The following FAM20A variants were observed in gnomAD, a reference collection of about 807,000 sequenced individuals.
The protein encoded by FAM20A is FAM20A golgi associated secretory pathway pseudokinase, also known as pseudokinase FAM20A.
FAM20A carries 42 observed loss-of-function variants against 52.0 expected under a neutral mutation model. That is an observed-to-expected ratio of 0.81 (90% CI 0.63 to 1.04). FAM20A has a LOEUF of 1.04. FAM20A is among the 50% of genes least tolerant of loss of function. FAM20A has a pLI of 0.00. For synonymous variants in FAM20A, 304 were observed against 298.9 expected, an observed-to-expected ratio of 1.02 and a Z score of -0.18; for missense variants, 742 against 712.7, an observed-to-expected ratio of 1.04 and a Z score of -0.47.
At chr17:68,581,146 G>T (rs1217867126) in intron 1 of FAM20A, among the ~76,000 whole-genome samples, 1 of 152,176 alleles carries the variant, frequency 6.6e-6, no homozygotes, top group Non-Finnish European at 1.5e-5. Context: ...TACTTCCAGA[G>T]CAGGGTACTG....
rs1243707197 is a variant in FAM20A at position 68,572,001 on chromosome 17, TATA to T, written c.405-16261_405-16259del. The stretch of plus-strand genomic sequence containing the variant: ...GTATATACATACATATATATATATA[TATA>T]TATATATATATATATATATATATAT... On this transcript the variant is annotated intron_variant, in intron 1 of 10. Coordinates refer to ENST00000592554, the MANE Select transcript of FAM20A (RefSeq NM_017565.4). 7.5e-3 allele frequency among the ~76,000 whole-genome samples: 667 copies of T among 88,612 alleles called. 13 individuals carry two copies. Among genetic ancestry groups the T allele is most frequent in the Middle Eastern group, 0.029 (6 of 208 alleles). 58.1% of individuals were successfully genotyped at this position (88,612 alleles called of 152,430 possible).
chr17:68,590,076 T>C (rs888671520), intron 1 of FAM20A: 2 of 152,204 alleles, frequency 1.3e-5, no homozygotes, highest in African/African-American at 2.4e-5. Flanking sequence ...ATCATAATGG[T>C]GCATAACACA....
Position 68,600,479 on chromosome 17 carries a change from T to C in FAM20A, c.188A>G (p.Asp63Gly). 6.2e-7 allele frequency: 1 copy of C among 1,603,916 alleles called. No homozygotes were observed. Among genetic ancestry groups the C allele is most frequent in the South Asian group, 1.1e-5 (1 of 89,518 alleles). Reference sequence around the variant, plus strand: ...AAAGTTGTGCACGATCGTGCCGGGGTCCGAGGCAGCTGCGGCCGAGTCCCG... The same window carrying C: ...AAAGTTGTGCACGATCGTGCCGGGGCCCGAGGCAGCTGCGGCCGAGTCCCG... Reference protein sequence around the residue: ...LARDSAAAASDPGTIVHNFSR... With the variant: ...LARDSAAAASGPGTIVHNFSR... The change falls in exon 1 of 11, where the codon GAC (aspartate) becomes GGC (glycine). Residue 63 changes from aspartate (D) to glycine (G), a missense_variant. Coordinates refer to ENST00000592554, the MANE Select transcript of FAM20A (RefSeq NM_017565.4). This position sits in a 1 kb window ranked among gnomAD's most constrained non-coding sequence, Gnocchi z 6.2.
intron 6 of FAM20A, among the ~76,000 whole-genome samples, chr17:68,542,444 C>T (rs530939835): frequency 2.0e-5 from 3 of 152,246 alleles, no homozygotes; most frequent in East Asian, 3.9e-4. Context: ...CCTCTGGTTC[C>T]GGGGAGGCCA....
rs75550131 is a variant in FAM20A at position 68,542,652 on chromosome 17, G to A, written c.928+42C>T. 3.2e-4 allele frequency: 474 copies of A among 1,486,848 alleles called. 3 individuals carry two copies. In the East Asian group the frequency reaches 8.6e-3, roughly 27 times the overall value. The allele number at this position is 1,486,848 out of a possible 1,614,324, so 92.1% of individuals were successfully genotyped here. On this transcript the variant is annotated intron_variant, in intron 6 of 10. Transcript: ENST00000592554. Reference sequence around the variant, plus strand: ...TGGAGGGGTGGACACTCTGGCTTACGATCTACTCAGACCCGGAATATCACT... The same window carrying A: ...TGGAGGGGTGGACACTCTGGCTTACAATCTACTCAGACCCGGAATATCACT...
intron 1 of FAM20A, among the ~76,000 whole-genome samples, chr17:68,584,349 A>AAACAAAAC (rs139019367): frequency 0.16 from 4,473 of 27,866 alleles, 122 homozygotes; most frequent in East Asian, 0.47. Context: ...AAACAAAACA[A>AAACAAAAC]AAAAAAAACC....
intron 4 of FAM20A, among the ~76,000 whole-genome samples, chr17:68,547,849 C>T (rs992249194): frequency 6.6e-6 from 1 of 152,238 alleles, no homozygotes. Context: ...GCATTCACAA[C>T]TTGCCTGACT....
intron 1 of FAM20A, among the ~76,000 whole-genome samples, chr17:68,573,004 C>A (rs190674283): frequency 1.1e-3 from 160 of 152,290 alleles, no homozygotes; most frequent in African/African-American, 3.7e-3. Context: ...GAGAAATGCA[C>A]CCCCGCTTTG....
chr17:68,555,747 A>T lies in FAM20A; in HGVS notation c.405-4T>A. The T allele has an allele frequency of 6.2e-7, 1 of 1,614,052 alleles. No individual in the cohort carries two copies. Among genetic ancestry groups the T allele is most frequent in the Non-Finnish European group, 8.5e-7 (1 of 1,180,040 alleles). On this transcript the variant is annotated splice_region_variant and splice_polypyrimidine_tract_variant and intron_variant, in intron 1 of 10. Coordinates refer to ENST00000592554, the MANE Select transcript of FAM20A (RefSeq NM_017565.4). Reference sequence around the variant, plus strand: ...CTCTCTGTACATCTTGTGTCGCCTGAAAGAGCCAGATAGTTGTTCATTAGA... The same window carrying T: ...CTCTCTGTACATCTTGTGTCGCCTGTAAGAGCCAGATAGTTGTTCATTAGA...
intron 1 of FAM20A, among the ~76,000 whole-genome samples, chr17:68,562,021 G>A (rs1296067265): frequency 2.6e-5 from 4 of 152,166 alleles, no homozygotes; most frequent in Admixed American, 6.5e-5. Flanking sequence ...ACGGGGTTTC[G>A]CCATGTTGGC....
chr17:68,552,387 A>C (rs192908401), intron 3 of FAM20A, among the ~76,000 whole-genome samples: 46 of 152,308 alleles, frequency 3.0e-4, no homozygotes, highest in African/African-American at 1.1e-3. Context: ...GTAGATTCTA[A>C]TTATGCCTTC....
At chr17:68,553,818 ATT>A (rs2086949713) in intron 3 of FAM20A, among the ~76,000 whole-genome samples, 1 of 149,562 alleles carries the variant, frequency 6.7e-6, no homozygotes, top group Non-Finnish European at 1.5e-5. Context: ...ATATACACAC[ATT>A]TATGCATATA....
intron 7 of FAM20A, chr17:68,541,394 C>G: frequency 4.6e-6 from 1 of 219,308 alleles, no homozygotes; most frequent in Non-Finnish European, 9.3e-6. Flanking sequence ...CATTTTCATC[C>G]GAGGGCTCTT....
intron 3 of FAM20A, among the ~76,000 whole-genome samples, chr17:68,552,478 G>A (rs1461348329): frequency 2.0e-5 from 3 of 152,030 alleles, no homozygotes; most frequent in African/African-American, 7.2e-5. Flanking sequence ...TGGCAAGTGA[G>A]TGCTTCTTAG....
At chr17:68,573,760 C>T (rs541768155) in intron 1 of FAM20A, among the ~76,000 whole-genome samples, 1 of 151,984 alleles carries the variant, frequency 6.6e-6, no homozygotes, top group Non-Finnish European at 1.5e-5. Context: ...CTCACTGCAA[C>T]CTCTGCCTCC....
intron 7 of FAM20A, chr17:68,541,348 T>C: frequency 4.0e-6 from 1 of 251,112 alleles, no homozygotes; most frequent in African/African-American, 2.2e-5. Flanking sequence ...CCTTTCTCTC[T>C]CACACATGGT....
At position 68,558,732 on chromosome 17, in the gene FAM20A, C is replaced by A. The variant is rs548623043; in HGVS notation, c.405-2989G>T. Reference sequence around the variant, plus strand: ...AGGTATTTCTTTTTTCCTTCCCTTCCTTCCTCCCTCCCTCCTTTCTCTTTC... The same window carrying A: ...AGGTATTTCTTTTTTCCTTCCCTTCATTCCTCCCTCCCTCCTTTCTCTTTC... On this transcript the variant is annotated intron_variant, in intron 1 of 10. Transcript: ENST00000592554. Among the ~76,000 whole-genome samples the A allele has an allele frequency of 2.0e-5, 3 of 151,994 alleles. No homozygotes were observed. In the East Asian group the frequency reaches 5.8e-4, roughly 29 times the overall value.
intron 1 of FAM20A, among the ~76,000 whole-genome samples, chr17:68,575,418 T>A (rs2087700140): frequency 9.2e-6 from 1 of 109,238 alleles, no homozygotes. Flanking sequence ...ATGTCTTCAC[T>A]TTATATATAT....
rs376375756 is a variant in FAM20A at position 68,539,419 on chromosome 17, A to T, written c.1302-23T>A. 3.7e-6 allele frequency: 6 copies of T among 1,612,198 alleles called. No homozygotes were observed. In the South Asian group the frequency reaches 6.6e-5, roughly 18 times the overall value. On this transcript the variant is annotated intron_variant, in intron 9 of 10. Coordinates refer to ENST00000592554, the MANE Select transcript of FAM20A (RefSeq NM_017565.4). ...AACCTAGGAGGAGAAACAGGCTTTT[A>T]TGGGTGGCCGGCAGCATCCTTTGCA...
Sources: allele counts gnomAD v4.1 joint callset (sites outside exome capture counted in the v4.1 genomes callset), GRCh38; gene constraint gnomAD v4.1.1; non-coding constraint Gnocchi (gnomAD v3.1); transcripts MANE v1.5; gene names NCBI Gene and HGNC (gene_info 2026-07-23, HGNC 2026-07-21).